Variants in LRMDA observed in about 807,000 individuals in gnomAD.
LRMDA encodes the protein leucine-rich melanocyte differentiation-associated protein.
A neutral mutation model predicts 29.8 loss-of-function variants in LRMDA; 18 were observed. The ratio of observed to expected loss-of-function variants is 0.60; its 90% CI spans 0.42 to 0.90. LRMDA has a LOEUF of 0.90. Among genes scored for constraint, LRMDA ranks in the 40% least tolerant of loss-of-function variants. The pLI is 0.00. For missense variants in LRMDA, 273 were observed against 273.9 expected, an observed-to-expected ratio of 1.00 and a Z score of 0.02; for synonymous variants, 125 against 109.4, an observed-to-expected ratio of 1.14 and a Z score of -0.89.
intron 2 of LRMDA, among the ~76,000 whole-genome samples, chr10:75,483,432 T>C (rs1192011432): frequency 1.3e-5 from 2 of 152,186 alleles, no homozygotes; most frequent in African/African-American, 4.8e-5. Context: ...ATCTCTGTCT[T>C]GAGAGGGAAA....
At chr10:76,106,207 A>T (rs60145760) in intron 5 of LRMDA, among the ~76,000 whole-genome samples, 3,068 of 152,342 alleles carry the variant, frequency 0.02, 115 homozygotes, top group African/African-American at 0.07. Context: ...TGCTTTTAAT[A>T]GCTACCAATG....
intron 5 of LRMDA, among the ~76,000 whole-genome samples, chr10:76,225,416 C>CAA (rs1171468250): frequency 7.2e-6 from 1 of 139,512 alleles, no homozygotes; most frequent in African/African-American, 2.6e-5. Context: ...GACTCCGTCT[C>CAA]AAAAAAAAAA....
At chr10:76,006,983 C>CGTGTGTGTGTGTGT (rs572881040) in intron 2 of LRMDA, among the ~76,000 whole-genome samples, 2,380 of 116,008 alleles carry the variant, frequency 0.021, 85 homozygotes, top group Admixed American at 0.042. Flanking sequence ...ATGGAGAAGG[C>CGTGTGTGTGTGTGT]GTGTGTGTGT....
chr10:75,888,660 A>T (rs1255000150), intron 2 of LRMDA, among the ~76,000 whole-genome samples: 1 of 152,202 alleles, frequency 6.6e-6, no homozygotes, highest in Non-Finnish European at 1.5e-5. Context: ...AGATTATTTC[A>T]TTATATCCAA....
intron 2 of LRMDA, chr10:75,743,371 C>G (rs1312296475): frequency 2.0e-5 from 3 of 152,256 alleles, no homozygotes; most frequent in Non-Finnish European, 4.4e-5. Flanking sequence ...TGTACACGCT[C>G]TGCCCGTGGA....
chr10:76,050,884 G>A (rs1848520047), intron 4 of LRMDA, among the ~76,000 whole-genome samples: 1 of 152,210 alleles, frequency 6.6e-6, no homozygotes, highest in Admixed American at 6.5e-5. Flanking sequence ...TTTCAAATAA[G>A]GGAGTTGGTC....
At chr10:76,465,526 A>C (rs1907296) in intron 6 of LRMDA, among the ~76,000 whole-genome samples, 105,547 of 152,044 alleles carry the variant, frequency 0.69, 38,045 homozygotes, top group Non-Finnish European at 0.81. Flanking sequence ...CTACCTATGA[A>C]AAAGGAAAGT....
At chr10:76,483,059 T>C (rs1351715729) in intron 6 of LRMDA, among the ~76,000 whole-genome samples, 2 of 152,002 alleles carry the variant, frequency 1.3e-5, no homozygotes, top group Non-Finnish European at 2.9e-5. Context: ...TTTCAGTCTT[T>C]GTTCATTTTT....
chr10:76,087,478 A>G (rs1412638775), intron 5 of LRMDA, among the ~76,000 whole-genome samples: 5 of 152,198 alleles, frequency 3.3e-5, no homozygotes, highest in Non-Finnish European at 7.3e-5. Context: ...AATTATCCCA[A>G]GAGAGACAAA....
At chr10:75,528,743 C>A (rs902488313) in intron 2 of LRMDA, among the ~76,000 whole-genome samples, 2 of 151,894 alleles carry the variant, frequency 1.3e-5, no homozygotes, top group Admixed American at 1.3e-4. Context: ...TGACAGAGAT[C>A]AGAATAAACA....
intron 6 of LRMDA, among the ~76,000 whole-genome samples, chr10:76,442,711 T>C (rs1396017793): frequency 6.6e-6 from 1 of 152,076 alleles, no homozygotes; most frequent in Non-Finnish European, 1.5e-5. Context: ...TAAAAACCAA[T>C]ACATAAATCA....
At chr10:75,985,045 G>A (rs998616009) in intron 2 of LRMDA, among the ~76,000 whole-genome samples, 6 of 152,164 alleles carry the variant, frequency 3.9e-5, no homozygotes, top group African/African-American at 9.7e-5. Flanking sequence ...TCCCAGATGA[G>A]GAGAGCCTAG....
intron 2 of LRMDA, among the ~76,000 whole-genome samples, chr10:75,484,895 T>C (rs1319548798): frequency 2.0e-5 from 3 of 152,258 alleles, no homozygotes; most frequent in African/African-American, 4.8e-5. Flanking sequence ...GTAAGCAACC[T>C]AGTCTGTGAT....
At chr10:75,823,355 A>G (rs1273554042) in intron 2 of LRMDA, among the ~76,000 whole-genome samples, 1 of 152,180 alleles carries the variant, frequency 6.6e-6, no homozygotes, top group African/African-American at 2.4e-5. Context: ...AACATGAAAA[A>G]CTGTTCCCTA....
chr10:75,992,554 T>C (rs1173282380), intron 2 of LRMDA, among the ~76,000 whole-genome samples: 3 of 152,220 alleles, frequency 2.0e-5, no homozygotes, highest in Non-Finnish European at 2.9e-5. Flanking sequence ...CTGGTGAGCA[T>C]GTCTGCCATG....
intron 6 of LRMDA, among the ~76,000 whole-genome samples, chr10:76,507,600 GT>G (rs1225255384): frequency 6.6e-6 from 1 of 151,896 alleles, no homozygotes; most frequent in East Asian, 1.9e-4. Context: ...TTTCCTCATT[GT>G]TTTCCCCTAG....
intron 2 of LRMDA, among the ~76,000 whole-genome samples, chr10:75,604,581 G>C (rs1407981077): frequency 2.6e-5 from 4 of 152,146 alleles, no homozygotes; most frequent in Non-Finnish European, 5.9e-5. Context: ...ATGGTATTGA[G>C]TATGTAAAAA....
At chr10:75,810,599 G>A (rs763668781) in intron 2 of LRMDA, among the ~76,000 whole-genome samples, 2 of 152,230 alleles carry the variant, frequency 1.3e-5, no homozygotes, top group African/African-American at 4.8e-5. Flanking sequence ...CACACAACTT[G>A]TTCTGATAGA....
chr10:76,363,215 A>AAGGGAGGG lies in LRMDA; in HGVS notation c.601+38732_601+38733insGGAGGGAG, dbSNP rs1491098591. ...GAGGGAGGGAGGGAGGGAGGGAAGGAAGAGAAAGAAAGAAAGAAAGAAAGA... is the reference window on the plus strand; with the variant it reads ...GAGGGAGGGAGGGAGGGAGGGAAGGAAGGGAGGGAGAGAAAGAAAGAAAGAAAGAAAGA... On this transcript the variant is annotated intron_variant, in intron 6 of 6. Coordinates refer to ENST00000611255, the MANE Select transcript of LRMDA (RefSeq NM_001305581.2). 2.0e-4 allele frequency among the ~76,000 whole-genome samples: 5 copies of AAGGGAGGG among 24,964 alleles called. 1 individual carries two copies. Among genetic ancestry groups the AAGGGAGGG allele is most frequent in the Non-Finnish European group, 4.0e-4 (5 of 12,492 alleles). The allele number at this position is 24,964 out of a possible 152,430, so 16.4% of individuals were successfully genotyped here.
Sources: allele counts gnomAD v4.1 joint callset (sites outside exome capture counted in the v4.1 genomes callset), GRCh38; gene constraint gnomAD v4.1.1; transcripts MANE v1.5; gene names NCBI Gene and HGNC (gene_info 2026-07-23, HGNC 2026-07-21).